GOLGA1: variants seen among roughly 807,000 people sequenced by gnomAD.
GOLGA1 encodes the protein golgin subfamily A member 1.
GOLGA1 carries 63 observed loss-of-function variants against 119.7 expected under a neutral mutation model. That is an observed-to-expected ratio of 0.53 (90% confidence interval 0.43 to 0.65). The LOEUF (loss-of-function observed/expected upper bound fraction) is 0.65, where lower values mean the gene tolerates loss of function less well. Among genes scored for constraint, GOLGA1 ranks in the 30% least tolerant of loss-of-function variants. The pLI is 0.00. For synonymous variants in GOLGA1, 318 were observed against 333.4 expected, an observed-to-expected ratio of 0.95 and a Z score of 0.50; for missense variants, 798 against 912.8, an observed-to-expected ratio of 0.87 and a Z score of 1.62.
chr9:124,886,913 A>G (rs1177064269), intron 19 of GOLGA1, among the ~76,000 whole-genome samples: 1 of 151,876 alleles, frequency 6.6e-6, no homozygotes, highest in Admixed American at 6.6e-5. Context: ...GTTGCGGGGA[A>G]CACTGGGCTG....
At chr9:124,939,945 A>T (rs546940437) in intron 2 of GOLGA1, among the ~76,000 whole-genome samples, 161 bp downstream of exon 2, 13 of 152,284 alleles carry the variant, frequency 8.5e-5, no homozygotes, top group African/African-American at 3.1e-4. Context: ...TGTATAAAAC[A>T]CTAATATTCT....
intron 12 of GOLGA1, among the ~76,000 whole-genome samples, chr9:124,903,863 A>G (rs1017597846): frequency 1.7e-4 from 26 of 152,256 alleles, no homozygotes; most frequent in Admixed American, 1.6e-3. Context: ...ATCTTGGTCA[A>G]CATGGTGAAA....
rs373353492 is a variant in GOLGA1 at position 124,889,153 on chromosome 9, T to C, written c.1751A>G (p.Asn584Ser). ...GCAGCTGGGACTTACGTGCGACTCA[T>C]TGACTGAGAGTGCTTCGGCCTGCAA... is the stretch of plus-strand genomic sequence containing the variant. ...GPLQAEALSV[N>S]ESHVTSRAMQ... Residue 584 changes from asparagine to serine, a missense_variant, in exon 18 of 23, where the codon AAT becomes AGT. Coordinates refer to ENST00000373555, the MANE Select transcript of GOLGA1 (RefSeq NM_002077.4). The C allele has an allele frequency of 6.2e-7, 1 of 1,609,898 alleles. No individual in the cohort carries two copies. Among genetic ancestry groups the C allele is most frequent in the African/African-American group, 1.3e-5 (1 of 74,816 alleles).
chr9:124,890,454 C>T lies in GOLGA1; in HGVS notation c.1432G>A (p.Val478Met). ...AGGGCTTGAGCCATGGCCACGCTCA[C>T]AATTTCTCTTTGGCTCCATTCTTCC... is the stretch of plus-strand genomic sequence containing the variant. ...LKEEWSQREI[V>M]SVAMAQALEE... Residue 478 changes from valine (V) to methionine (M), a missense_variant, in exon 16 of 23, where the codon GTG becomes ATG. Val to Met is a conservative substitution (Grantham distance 21). Coordinates refer to ENST00000373555, the MANE Select transcript of GOLGA1 (RefSeq NM_002077.4). 1 of 1,613,750 alleles carries T rather than the reference C, an allele frequency of 6.2e-7. No homozygotes were observed. Among genetic ancestry groups the T allele is most frequent in the Non-Finnish European group, 8.5e-7 (1 of 1,179,608 alleles).
upstream of GOLGA1, among the ~76,000 whole-genome samples, chr9:124,942,159 A>G (rs1831052029): frequency 1.3e-5 from 2 of 152,154 alleles, no homozygotes; most frequent in South Asian, 4.1e-4. Flanking sequence ...AATCCCAATT[A>G]CTTGGGAGGC....
chr9:124,914,962 G>A (rs569836403), intron 10 of GOLGA1, among the ~76,000 whole-genome samples: 96 of 152,280 alleles, frequency 6.3e-4, no homozygotes, highest in African/African-American at 2.1e-3. Context: ...ATTGATATGC[G>A]ATCTCCTTCT....
At chr9:124,917,854 T>C (rs1194877583) in intron 10 of GOLGA1, among the ~76,000 whole-genome samples, 1 of 151,898 alleles carries the variant, frequency 6.6e-6, no homozygotes, top group Non-Finnish European at 1.5e-5. Flanking sequence ...CTGATATATA[T>C]ATATATTTTT....
chr9:124,910,871 T>C (rs1344441880), intron 11 of GOLGA1, among the ~76,000 whole-genome samples: 3 of 152,158 alleles, frequency 2.0e-5, no homozygotes, highest in Non-Finnish European at 2.9e-5. Flanking sequence ...AGTTTTATTC[T>C]GAAACCACCC....
chr9:124,932,178 C>A (rs1371227721), intron 3 of GOLGA1, among the ~76,000 whole-genome samples: 1 of 152,166 alleles, frequency 6.6e-6, no homozygotes, highest in East Asian at 1.9e-4. Context: ...ATTTAAATAA[C>A]AGACATCATG....
Position 124,900,565 on chromosome 9 carries a change from G to A in GOLGA1, c.1066-18C>T. ...TCTCTCACCTGAGAGGGAAGCAGAA[G>A]CATTCTTTCTGTTCACAAGAAGCTG... On this transcript the variant is annotated intron_variant, in intron 12 of 22. Transcript: ENST00000373555. 1 of 1,274,854 alleles carries A rather than the reference G, an allele frequency of 7.8e-7. No individual in the cohort carries two copies. Among genetic ancestry groups the A allele is most frequent in the Non-Finnish European group, 1.1e-6 (1 of 878,884 alleles). 79.0% of individuals were successfully genotyped at this position (1,274,854 alleles called of 1,614,324 possible).
chr9:124,931,174 A>G (rs1296612522), intron 4 of GOLGA1, 142 bp downstream of exon 4: 2 of 552,416 alleles, frequency 3.6e-6, no homozygotes, highest in Non-Finnish European at 6.6e-6. Flanking sequence ...ACAAAAGAAG[A>G]GGGTATACTT....
At chr9:124,942,319 C>T (rs1309883622), upstream of GOLGA1, among the ~76,000 whole-genome samples, 1 of 152,200 alleles carries the variant, frequency 6.6e-6, no homozygotes, top group Non-Finnish European at 1.5e-5. Flanking sequence ...GGTCCCTGAA[C>T]TCGTCAATGC....
intron 10 of GOLGA1, among the ~76,000 whole-genome samples, chr9:124,912,821 C>T (rs575630593): frequency 5.9e-5 from 9 of 152,184 alleles, no homozygotes; most frequent in Admixed American, 4.6e-4. Context: ...GGATTACAGG[C>T]GTAAGCCACT....
In GOLGA1 at chr9:124,920,985, T is replaced by G. The variant is rs561130948; in HGVS notation, c.843+144A>C. On this transcript the variant is annotated intron_variant, in intron 10 of 22. Transcript: ENST00000373555. ...AGCTGTATGGCCATTTCCATCTGAG[T>G]GCAGCCTGGCTAGTACAGGAAATGG... 10 of 617,778 alleles carry G rather than the reference T, an allele frequency of 1.6e-5. No homozygotes were observed. In the South Asian group the frequency reaches 1.7e-4, roughly 11 times the overall value. 38.3% of individuals were successfully genotyped at this position (617,778 alleles called of 1,614,324 possible).
rs769477508 is a variant in GOLGA1, at chr9:124,881,899, A to C, written c.2021T>G (p.Met674Arg). 1 of 1,612,426 alleles carries C rather than the reference A, an allele frequency of 6.2e-7. No individual in the cohort carries two copies. Among genetic ancestry groups the C allele is most frequent in the East Asian group, 2.2e-5 (1 of 44,840 alleles). Residue 674 changes from methionine (M) to arginine (R), a missense_variant, in exon 21 of 23, where the codon ATG becomes AGG. By Grantham distance (91) the Met-to-Arg change is moderately conservative. Coordinates refer to ENST00000373555, the MANE Select transcript of GOLGA1 (RefSeq NM_002077.4). The surrounding 1 kb of genome is among the most constrained non-coding windows in gnomAD (Gnocchi z 4.9). ...CGTGACGGAAGGCGCCATGTTTGCC[A>C]TCTCAGGTCCAGGTTTCTCCCGGAC... is the stretch of plus-strand genomic sequence containing the variant. ...FEVREKPGPE[M>R]ANMAPSVTNN...
upstream of GOLGA1, among the ~76,000 whole-genome samples, chr9:124,941,440 G>C (rs1474060904): frequency 2.0e-5 from 3 of 152,204 alleles, no homozygotes; most frequent in Non-Finnish European, 4.4e-5. Flanking sequence ...AAACCCGGCC[G>C]GGGCTGCACT....
At chr9:124,909,924 C>T (rs1024741706) in intron 11 of GOLGA1, among the ~76,000 whole-genome samples, 3 of 152,038 alleles carry the variant, frequency 2.0e-5, no homozygotes, top group African/African-American at 7.2e-5. Context: ...GCCACCATGC[C>T]CAGCTAATTT....
upstream of GOLGA1, chr9:124,943,318 T>A (rs1400892267): frequency 6.6e-6 from 1 of 152,160 alleles, no homozygotes; most frequent in Non-Finnish European, 1.5e-5. Flanking sequence ...CGGGGCTGAG[T>A]TGATGGATTT....
At chr9:124,939,550 C>CTTTTTTTTTTTT (rs3051147) in intron 2 of GOLGA1, among the ~76,000 whole-genome samples, 3 of 81,844 alleles carry the variant, frequency 3.7e-5, no homozygotes, top group African/African-American at 4.8e-5. Flanking sequence ...TTCTTTCTTT[C>CTTTTTTTTTTTT]TTTTTTTTTT....
Sources: gnomAD v4.1 joint callset for allele counts (sites outside exome capture counted in the v4.1 genomes callset) on GRCh38, gnomAD v4.1.1 for gene constraint, Gnocchi (gnomAD v3.1) non-coding constraint, MANE v1.5 for transcripts, NCBI Gene and HGNC (gene_info 2026-07-23, HGNC 2026-07-21) for gene names.